DPPA2: variants seen among roughly 807,000 people sequenced by gnomAD.
DPPA2 encodes the protein developmental pluripotency associated 2.
DPPA2 carries 26 observed loss-of-function variants against 36.2 expected under a neutral mutation model. The ratio of observed to expected loss-of-function variants is 0.72; its 90% CI spans 0.53 to 1.00. The LOEUF (loss-of-function observed/expected upper bound fraction) is 1.00, where lower values mean the gene tolerates loss of function less well. Among genes scored for constraint, DPPA2 ranks in the 50% least tolerant of loss-of-function variants. DPPA2 has a pLI of 0.00. For missense variants in DPPA2, 361 were observed against 365.1 expected (o/e 0.99, Z 0.09); for synonymous variants, 113 against 123.2 (o/e 0.92, Z 0.55).
At chr3:109,312,257 T>G (rs1446405559) in intron 3 of DPPA2, among the ~76,000 whole-genome samples, 1 of 151,788 alleles carries the variant, frequency 6.6e-6, no homozygotes, top group South Asian at 2.1e-4. Flanking sequence ...TCGCTTGAGC[T>G]CAGAAGGCGG....
At chr3:109,302,458 T>A (rs1707471094) in intron 7 of DPPA2, among the ~76,000 whole-genome samples, 1 of 152,194 alleles carries the variant, frequency 6.6e-6, no homozygotes, top group East Asian at 1.9e-4. Flanking sequence ...TCTTTTCTTT[T>A]TCTTTTGTTT....
At chr3:109,310,633 G>A (rs1189290390) in intron 3 of DPPA2, among the ~76,000 whole-genome samples, 1 of 151,416 alleles carries the variant, frequency 6.6e-6, no homozygotes, top group African/African-American at 2.4e-5. Context: ...AGCCTCCCGA[G>A]TAGGTGGGAC....
chr3:109,300,565 T>C, intron 7 of DPPA2, 130 bp from the exon 8 acceptor site: 2 of 853,078 alleles, frequency 2.3e-6, no homozygotes, highest in Non-Finnish European at 3.9e-6. Context: ...CTCACGCCTG[T>C]AATCCTAGCA....
chr3:109,308,357 A>AT (rs1707619087), intron 5 of DPPA2, 64 bp from the exon 6 acceptor site: 1 of 1,535,762 alleles, frequency 6.5e-7, no homozygotes, highest in South Asian at 1.3e-5. Flanking sequence ...TTTTGGGTCA[A>AT]TTTTATTATT....
intron 2 of DPPA2, 116 bp downstream of exon 2, chr3:109,314,394 G>A (rs1707756508): frequency 1.9e-6 from 2 of 1,066,366 alleles, no homozygotes; most frequent in Non-Finnish European, 1.3e-6. Flanking sequence ...GTTTCAAGAT[G>A]GAGATTTCTT....
At chr3:109,312,489 TCCTGGGC>T in intron 3 of DPPA2, 49 bp downstream of exon 3, 2 of 1,556,536 alleles carry the variant, frequency 1.3e-6, no homozygotes, top group Admixed American at 1.9e-5. Flanking sequence ...TCTTACTTTT[TCCTGGGC>T]TTCCCAGAGT....
In DPPA2 at chr3:109,312,625, T is replaced by C; in HGVS notation, c.101A>G (p.Asp34Gly). 6.2e-7 allele frequency: 1 copy of C among 1,613,968 alleles called. No homozygotes were observed. ...TGGTTCCATTTGTTCCATATTTGCGTCATCTTTAACTGGCACCAGTGTCAA... is the reference window on the plus strand; with the variant it reads ...TGGTTCCATTTGTTCCATATTTGCGCCATCTTTAACTGGCACCAGTGTCAA... ...VILTLVPVKDDANMEQMEPSV... is the reference protein window; with the variant it reads ...VILTLVPVKDGANMEQMEPSV... Residue 34 changes from aspartate (D) to glycine (G), a missense_variant, in exon 3 of 9, where the codon GAC (aspartate) becomes GGC (glycine). Physicochemically the swap from Asp to Gly is moderately conservative, Grantham distance 94. Transcript: ENST00000478945.
At chr3:109,294,919 G>A (rs959178480) in intron 8 of DPPA2, among the ~76,000 whole-genome samples, 1 of 152,158 alleles carries the variant, frequency 6.6e-6, no homozygotes, top group African/African-American at 2.4e-5. Flanking sequence ...TACTTAAGAG[G>A]CTGAGGCTGG....
At chr3:109,307,662 A>AATGTCAC (rs1409956703) in intron 6 of DPPA2, among the ~76,000 whole-genome samples, 1 of 151,906 alleles carries the variant, frequency 6.6e-6, no homozygotes, top group Non-Finnish European at 1.5e-5. Flanking sequence ...GTAACTTGCC[A>AATGTCAC]ATGTCACATA....
In DPPA2 at chr3:109,304,587, C is replaced by A. The variant is rs376822162; in HGVS notation, c.742G>T (p.Ala248Ser). The A allele has an allele frequency of 1.2e-6, 2 of 1,613,956 alleles. No homozygotes were observed. The highest frequency in any genetic ancestry group is 1.7e-6 in the Non-Finnish European group (2 of 1,180,026). ...CTCCTGTGAGTGGTAGGCACCCAGG[C>A]CTGACCTGCATGAAACTGCAGGCGT... ...WVRLQFHAGQ[A>S]WVPTTHRRMI... Residue 248 changes from alanine to serine, a missense_variant, in exon 7 of 9, where the codon GCC becomes TCC. Coordinates refer to ENST00000478945, the MANE Select transcript of DPPA2 (RefSeq NM_138815.4).
Position 109,309,054 on chromosome 3 carries a change from T to C in DPPA2, c.368A>G (p.His123Arg). The C allele has an allele frequency of 6.2e-7, 1 of 1,614,206 alleles. No homozygotes were observed. Among genetic ancestry groups the C allele is most frequent in the Non-Finnish European group, 8.5e-7 (1 of 1,180,040 alleles). The change falls in exon 5 of 9, where the codon CAT (histidine) becomes CGT (arginine). Residue 123 changes from histidine to arginine, a missense_variant. Physicochemically the swap from His to Arg is conservative, Grantham distance 29. Transcript: ENST00000478945. ...CCGTTGTTCAGGGTAAGCATGCCTA[T>C]GAAGCCTCAGATAAACTTCGATTTT... is the stretch of plus-strand genomic sequence containing the variant. ...GKKIEVYLRL[H>R]RHAYPEQRQD...
chr3:109,311,553 A>G (rs758823773), intron 3 of DPPA2, among the ~76,000 whole-genome samples: 9 of 152,244 alleles, frequency 5.9e-5, no homozygotes, highest in South Asian at 2.1e-4. Context: ...CAGCCTGGAC[A>G]ACGTGGCAAA....
rs115389586 is a variant in DPPA2, at chr3:109,298,862, G to A, written c.*22+1509C>T. Among the ~76,000 whole-genome samples, 529 of 151,592 alleles carry A rather than the reference G, an allele frequency of 3.5e-3. 5 individuals carry two copies. Among genetic ancestry groups the A allele is most frequent in the African/African-American group, 0.012 (485 of 41,348 alleles). ...ACCAGGCTGTTCACCTGAGCAACAC[G>A]GTGAAACCCGTCCTCTACCAAAAAT... is the stretch of plus-strand genomic sequence containing the variant. On this transcript the variant is annotated intron_variant, in intron 8 of 8. Coordinates refer to ENST00000478945, the MANE Select transcript of DPPA2 (RefSeq NM_138815.4).
In DPPA2 at chr3:109,309,261, G is replaced by A. The variant is rs771494904; in HGVS notation, c.251C>T (p.Pro84Leu). 4.3e-6 allele frequency: 7 copies of A among 1,614,040 alleles called. No individual in the cohort carries two copies. The African/African-American group carries it at 5.3e-5, about 12-fold the overall frequency. Residue 84 changes from proline (P) to leucine (L), a missense_variant, in exon 4 of 9, where the codon CCC becomes CTC. Transcript: ENST00000478945. ...AATGGGAGGCAAAATGGTCGGCAAG[G>A]GAAGGGCTGGTATTTTGCATCTAGC... ...QKARCKIPAL[P>L]LPTILPPINK...
At chr3:109,305,757 A>G (rs1707548786) in intron 6 of DPPA2, among the ~76,000 whole-genome samples, 1 of 149,934 alleles carries the variant, frequency 6.7e-6, no homozygotes, top group African/African-American at 2.5e-5. Flanking sequence ...CTGGACAACA[A>G]GAGTGAAACT....
chr3:109,302,484 G>A (rs1463658164), intron 7 of DPPA2, among the ~76,000 whole-genome samples: 2 of 151,322 alleles, frequency 1.3e-5, no homozygotes, highest in African/African-American at 2.4e-5. Flanking sequence ...ACGGAGTTTC[G>A]CTCCTGTTGC....
chr3:109,311,600 C>T (rs142727551), intron 3 of DPPA2, among the ~76,000 whole-genome samples: 1,815 of 151,796 alleles, frequency 0.012, 37 homozygotes, highest in African/African-American at 0.04. Flanking sequence ...ATTAGCTGGG[C>T]GTGGTGGTGG....
chr3:109,295,153 C>T (rs529853499), intron 8 of DPPA2: 1 of 152,116 alleles, frequency 6.6e-6, no homozygotes, highest in East Asian at 1.9e-4. Context: ...AATAATTGTT[C>T]ACATTAATAT....
chr3:109,300,985 C>CTTTTT lies in DPPA2; in HGVS notation c.855-555_855-551dup, dbSNP rs36123123. On this transcript the variant is annotated intron_variant, in intron 7 of 8. Coordinates refer to ENST00000478945, the MANE Select transcript of DPPA2 (RefSeq NM_138815.4). ...CCACATACTGCAATGGATCTCACAT[C>CTTTTT]TTTTTTTTTTTTTTTTAAGACAGGT... 7.5e-3 allele frequency among the ~76,000 whole-genome samples: 1,040 copies of CTTTTT among 139,186 alleles called. 15 individuals are homozygous for CTTTTT. Among genetic ancestry groups the CTTTTT allele is most frequent in the African/African-American group, 0.026 (957 of 37,314 alleles). 91.3% of individuals were successfully genotyped at this position (139,186 alleles called of 152,430 possible). A position where few individuals can be genotyped will look rare whatever the true frequency, so the allele number is the denominator to read the frequency against.
Sources: gnomAD v4.1 joint callset for allele counts (sites outside exome capture counted in the v4.1 genomes callset) on GRCh38, gnomAD v4.1.1 for gene constraint, MANE v1.5 for transcripts, NCBI Gene and HGNC (gene_info 2026-07-23, HGNC 2026-07-21) for gene names.